Variants in TATDN1 observed in about 807,000 individuals in gnomAD.
TATDN1 encodes deoxyribonuclease TATDN1.
Under a neutral mutation model 46.4 loss-of-function variants are expected in TATDN1, and 40 were observed. The observed-to-expected ratio is 0.86, with a 90% CI of 0.67 to 1.12. TATDN1 has a LOEUF of 1.12. TATDN1 is among the 50% of genes most tolerant of loss of function. TATDN1 has a pLI of 0.00. For missense variants in TATDN1, 326 were observed against 348.4 expected, an observed-to-expected ratio of 0.94 and a Z score of 0.51; for synonymous variants, 95 against 105.6, an observed-to-expected ratio of 0.90 and a Z score of 0.62.
intron 1 of TATDN1, among the ~76,000 whole-genome samples, chr8:124,528,884 A>G (rs1055426263): frequency 3.9e-5 from 6 of 152,206 alleles, no homozygotes; most frequent in Admixed American, 3.9e-4. Flanking sequence ...CTCTGTAACT[A>G]GTAACTTCAA....
chr8:124,521,146 G>A (rs1820012920), intron 3 of TATDN1, among the ~76,000 whole-genome samples: 1 of 152,072 alleles, frequency 6.6e-6, no homozygotes, highest in African/African-American at 2.4e-5. Flanking sequence ...AGTCTAGTGA[G>A]ATAAAAGACT....
intron 1 of TATDN1, among the ~76,000 whole-genome samples, chr8:124,536,535 C>T (rs916700042): frequency 3.3e-5 from 5 of 152,126 alleles, no homozygotes; most frequent in Admixed American, 1.3e-4. Flanking sequence ...CAGAGCAAGA[C>T]CCTGTCTCAA....
intron 9 of TATDN1, among the ~76,000 whole-genome samples, chr8:124,497,652 A>AT (rs1432750798): frequency 1.3e-5 from 2 of 152,002 alleles, no homozygotes; most frequent in Non-Finnish European, 2.9e-5. Context: ...TTTGGGTTGG[A>AT]TTTTTTGTGG....
intron 1 of TATDN1, among the ~76,000 whole-genome samples, chr8:124,537,553 G>A (rs553763038): frequency 2.6e-5 from 4 of 152,202 alleles, no homozygotes; most frequent in Admixed American, 6.5e-5. Context: ...TAGCTGATTT[G>A]ATTTTTAGAT....
intron 10 of TATDN1, 166 bp from the exon 11 acceptor site, chr8:124,494,125 T>C (rs1817255134): frequency 1.7e-6 from 1 of 586,556 alleles, no homozygotes; most frequent in South Asian, 3.3e-5. Context: ...GATAAAATCT[T>C]GAATTGCATC....
chr8:124,529,818 G>A (rs1003081300), intron 1 of TATDN1, among the ~76,000 whole-genome samples: 2 of 152,196 alleles, frequency 1.3e-5, no homozygotes, highest in African/African-American at 4.8e-5. Flanking sequence ...TAGGCCGGGT[G>A]CAGTGGCTCA....
intron 3 of TATDN1, chr8:124,521,889 C>T (rs1820076604): frequency 3.3e-6 from 1 of 307,358 alleles, no homozygotes; most frequent in Non-Finnish European, 5.9e-6. Context: ...CCTGGTAATT[C>T]ACATAGGTTT....
intron 8 of TATDN1, among the ~76,000 whole-genome samples, chr8:124,507,206 G>C (rs950540887): frequency 6.6e-6 from 1 of 151,934 alleles, no homozygotes; most frequent in Non-Finnish European, 1.5e-5. Flanking sequence ...TATGTGGTTA[G>C]CAGATAGTAT....
chr8:124,522,864 C>A (rs1358129895), intron 2 of TATDN1, 73 bp downstream of exon 2: 2 of 1,286,384 alleles, frequency 1.6e-6, no homozygotes, highest in African/African-American at 2.9e-5. Context: ...TTGAATTATG[C>A]TTTTCAAGAT....
At position 124,517,470 on chromosome 8, in the gene TATDN1, C is replaced by T. The variant is rs189954737; in HGVS notation, c.202+1348G>A. ...AAAAGTGTGAATGGATCCTAAAAGA[C>T]AAGTGTGGATTTTAGAGAGATTTCC... is the stretch of plus-strand genomic sequence containing the variant. On this transcript the variant is annotated intron_variant, in intron 4 of 11. Transcript: ENST00000276692. 2.7e-5 allele frequency among the ~76,000 whole-genome samples: 4 copies of T among 148,104 alleles called. No homozygotes were observed. In the East Asian group the frequency reaches 5.9e-4, roughly 22 times the overall value.
At chr8:124,526,363 C>T (rs1442788138) in intron 1 of TATDN1, among the ~76,000 whole-genome samples, 1 of 152,186 alleles carries the variant, frequency 6.6e-6, no homozygotes, top group Non-Finnish European at 1.5e-5. Context: ...TTAAAAGTCT[C>T]TATTAGACAT....
chr8:124,514,950 G>A (rs902806950), intron 6 of TATDN1, among the ~76,000 whole-genome samples: 19 of 152,112 alleles, frequency 1.2e-4, no homozygotes, highest in African/African-American at 3.9e-4. Context: ...ACTTTTGTGG[G>A]TTTTTTCTTG....
In TATDN1 at chr8:124,538,985, A is replaced by C. The variant is rs111277677; in HGVS notation, c.22+40T>G. The C allele has an allele frequency of 3.7e-5, 59 of 1,613,566 alleles. No homozygotes were observed. The African/African-American group carries it at 6.9e-4, about 19-fold the overall frequency. On this transcript the variant is annotated intron_variant, in intron 1 of 11. Transcript: ENST00000276692. The stretch of plus-strand genomic sequence containing the variant: ...ACCTTGGTGACCGACGCCCGGGACA[A>C]GTCAGAAAGACCCAAGGGCGTGGAA...
At chr8:124,515,704 C>A (rs1352274886) in intron 6 of TATDN1, 42 bp downstream of exon 6, 6 of 1,558,482 alleles carry the variant, frequency 3.8e-6, no homozygotes, top group Non-Finnish European at 5.3e-6. Context: ...AAAAATCACT[C>A]ATGATTTTAC....
At chr8:124,495,389 G>C (rs1817376885) in intron 10 of TATDN1, 83 bp downstream of exon 10, 1 of 1,027,636 alleles carries the variant, frequency 9.7e-7, no homozygotes, top group Admixed American at 2.7e-5. Flanking sequence ...TTCACTTAAA[G>C]TTTGAAGTCA....
chr8:124,489,707 C>T (rs1816784799), intron 11 of TATDN1: 1 of 152,294 alleles, frequency 6.6e-6, no homozygotes. Flanking sequence ...AGCCACCGCG[C>T]CTGGCCGCAT....
intron 9 of TATDN1, among the ~76,000 whole-genome samples, chr8:124,501,846 C>CACACACCT (rs1405839825): frequency 6.6e-4 from 100 of 152,216 alleles, no homozygotes; most frequent in African/African-American, 2.1e-3. Context: ...AAACCATCAA[C>CACACACCT]ACACACCTTC....
chr8:124,514,126 T>G (rs895524347), intron 6 of TATDN1, among the ~76,000 whole-genome samples: 2 of 152,162 alleles, frequency 1.3e-5, no homozygotes, highest in Non-Finnish European at 2.9e-5. Context: ...ACCCATCCTA[T>G]TCTACTTGGT....
chr8:124,516,247 T>C (rs749546201), intron 4 of TATDN1, among the ~76,000 whole-genome samples: 1 of 151,922 alleles, frequency 6.6e-6, no homozygotes, highest in Non-Finnish European at 1.5e-5. Flanking sequence ...AATGTATTAA[T>C]AAAATAATTC....
Sources: gnomAD v4.1 joint callset for allele counts (sites outside exome capture counted in the v4.1 genomes callset) on GRCh38, gnomAD v4.1.1 for gene constraint, MANE v1.5 for transcripts, NCBI Gene and HGNC (gene_info 2026-07-23, HGNC 2026-07-21) for gene names.